CLSTN2: variants seen among roughly 807,000 people sequenced by gnomAD.
The protein encoded by CLSTN2 is calsyntenin 2.
A neutral mutation model predicts 101.2 loss-of-function variants in CLSTN2; 48 were observed. That is an observed-to-expected ratio of 0.47 (90% CI 0.38 to 0.60). CLSTN2 has a LOEUF of 0.60. CLSTN2 is among the 20% of genes least tolerant of loss of function. The pLI is 0.00. For missense variants in CLSTN2, 1,160 were observed against 1,238.2 expected (o/e 0.94, Z 0.95); for synonymous variants, 481 against 463.6 (o/e 1.04, Z -0.48).
At chr3:140,263,968 G>A (rs2086674567) in intron 2 of CLSTN2, among the ~76,000 whole-genome samples, 1 of 152,026 alleles carries the variant, frequency 6.6e-6, no homozygotes, top group Non-Finnish European at 1.5e-5. Flanking sequence ...TTGTGAATTA[G>A]CCTACTTACT....
At chr3:140,400,745 C>G (rs571188489) in intron 2 of CLSTN2, among the ~76,000 whole-genome samples, 3 of 152,238 alleles carry the variant, frequency 2.0e-5, no homozygotes, top group South Asian at 4.2e-4. Context: ...AAACCAAGCT[C>G]AGGATGCTTC....
chr3:140,003,761 T>A (rs546073292), intron 1 of CLSTN2, among the ~76,000 whole-genome samples: 1 of 152,326 alleles, frequency 6.6e-6, no homozygotes, highest in African/African-American at 2.4e-5. Flanking sequence ...TATCAAATAC[T>A]TTTTTAGCAT....
At chr3:140,388,714 T>A (rs2088080129) in intron 2 of CLSTN2, among the ~76,000 whole-genome samples, 1 of 152,226 alleles carries the variant, frequency 6.6e-6, no homozygotes, top group Non-Finnish European at 1.5e-5. Context: ...TGCACAAAGG[T>A]TGCTGTAAAG....
chr3:140,466,757 G>A, intron 8 of CLSTN2, 26 bp downstream of exon 8: 1 of 1,613,370 alleles, frequency 6.2e-7, no homozygotes, highest in Non-Finnish European at 8.5e-7. Flanking sequence ...CACACCTGCT[G>A]CTACTCATGC....
chr3:140,459,838 G>T, intron 7 of CLSTN2, 69 bp downstream of exon 7: 1 of 1,550,510 alleles, frequency 6.4e-7, no homozygotes, highest in East Asian at 2.3e-5. Context: ...CAGGTGGCTG[G>T]ACATGGACAC....
intron 1 of CLSTN2, among the ~76,000 whole-genome samples, chr3:140,033,431 TTTGTTTTTCTTTTCCA>T (rs1375956835): frequency 1.3e-5 from 2 of 152,264 alleles, no homozygotes; most frequent in Non-Finnish European, 2.9e-5. Context: ...GGCATGATTC[TTTGTTTTTCTTTTCCA>T]TTCCAATGGT....
At chr3:140,032,196 C>T (rs567120082) in intron 1 of CLSTN2, among the ~76,000 whole-genome samples, 120 of 150,870 alleles carry the variant, frequency 8.0e-4, no homozygotes, top group African/African-American at 2.8e-3. Context: ...CATTTACTCA[C>T]AATGAAAAAT....
At chr3:140,262,473 T>G (rs1326067339) in intron 2 of CLSTN2, among the ~76,000 whole-genome samples, 1 of 118,478 alleles carries the variant, frequency 8.4e-6, no homozygotes, top group African/African-American at 3.2e-5. Flanking sequence ...AAATTATTTT[T>G]TATGATGAAT....
At chr3:140,437,065 T>TA (rs2088695748) in intron 5 of CLSTN2, among the ~76,000 whole-genome samples, 1 of 150,904 alleles carries the variant, frequency 6.6e-6, no homozygotes, top group Non-Finnish European at 1.5e-5. Context: ...TTTTTTTTTT[T>TA]TGAGACTGAG....
rs1559866634 is a variant in CLSTN2 at position 140,427,187 on chromosome 3, ATAT to A, written c.787+5914_787+5916del. 3.3e-4 allele frequency among the ~76,000 whole-genome samples: 21 copies of A among 63,756 alleles called. 1 individual carries two copies. The highest frequency in any genetic ancestry group is 1.2e-3 in the African/African-American group (10 of 8,214). The allele number at this position is 63,756 out of a possible 152,430, so 41.8% of individuals were successfully genotyped here. On this transcript the variant is annotated intron_variant, in intron 5 of 16. Coordinates refer to ENST00000458420, the MANE Select transcript of CLSTN2 (RefSeq NM_022131.3). ...TGAGACTGTCTCAAAAAAAAAAAAT[ATAT>A]ATATATATATATATGTGTATATATA... is the stretch of plus-strand genomic sequence containing the variant.
At chr3:140,120,295 C>T (rs1290129452) in intron 1 of CLSTN2, among the ~76,000 whole-genome samples, 4 of 152,064 alleles carry the variant, frequency 2.6e-5, no homozygotes, top group Admixed American at 6.5e-5. Flanking sequence ...CTCAGGGAAA[C>T]ATGTTTACTG....
At chr3:140,164,098 A>G (rs2010095431) in intron 1 of CLSTN2, among the ~76,000 whole-genome samples, 1 of 152,160 alleles carries the variant, frequency 6.6e-6, no homozygotes, top group African/African-American at 2.4e-5. Flanking sequence ...TATTTTGTGT[A>G]AAAAATGAGC....
At chr3:140,083,708 C>T (rs1233673521) in intron 1 of CLSTN2, among the ~76,000 whole-genome samples, 1 of 152,174 alleles carries the variant, frequency 6.6e-6, no homozygotes, top group Non-Finnish European at 1.5e-5. Context: ...ATTTTCCATC[C>T]ACTGGCTTTT....
chr3:140,119,003 C>A (rs1576433570), intron 1 of CLSTN2, among the ~76,000 whole-genome samples: 1 of 152,082 alleles, frequency 6.6e-6, no homozygotes, highest in African/African-American at 2.4e-5. Context: ...CATAGCAGAG[C>A]AGGCAGGTGG....
chr3:140,038,786 T>C (rs1264329679), intron 1 of CLSTN2, among the ~76,000 whole-genome samples: 3 of 152,226 alleles, frequency 2.0e-5, no homozygotes, highest in African/African-American at 7.2e-5. Context: ...TCTTTGCTAC[T>C]AAGATTTTTC....
At chr3:140,212,547 T>G (rs1201610108) in intron 2 of CLSTN2, among the ~76,000 whole-genome samples, 1 of 152,204 alleles carries the variant, frequency 6.6e-6, no homozygotes, top group Non-Finnish European at 1.5e-5. Flanking sequence ...CTGAGATTGC[T>G]TAGTCTCATT....
rs12494862 is a variant in CLSTN2, at chr3:140,385,455, T to A, written c.233-18174T>A. ...GCGATCTCGACTCGCTGTAAACTCC[T>A]CCTCCCGGGTTCACGCCATTCTCCT... On this transcript the variant is annotated intron_variant, in intron 2 of 16. Transcript: ENST00000458420. Among the ~76,000 whole-genome samples the A allele has an allele frequency of 2.1e-5, 3 of 145,820 alleles. No homozygotes were observed. In the Admixed American group the frequency reaches 2.1e-4, roughly 10 times the overall value.
intron 1 of CLSTN2, among the ~76,000 whole-genome samples, chr3:140,038,004 C>T (rs1355865938): frequency 6.6e-6 from 1 of 152,110 alleles, no homozygotes; most frequent in Non-Finnish European, 1.5e-5. Flanking sequence ...CTGCAATGAA[C>T]ATACACGTGC....
At position 140,568,157 on chromosome 3, in the gene CLSTN2, G is replaced by A. The variant is rs1985360095; in HGVS notation, c.*1904G>A. ...ACTCCTGGTGCAGGATTCTACTTAT[G>A]TTCATAGGTATGCACCTAACAGACA... On this transcript the variant is annotated 3_prime_UTR_variant, in exon 17 of 17. Coordinates refer to ENST00000458420, the MANE Select transcript of CLSTN2 (RefSeq NM_022131.3). 6.6e-6 allele frequency: 1 copy of A among 152,230 alleles called. No individual in the cohort carries two copies. Among genetic ancestry groups the A allele is most frequent in the Non-Finnish European group, 1.5e-5 (1 of 68,052 alleles). The allele number at this position is 152,230 out of a possible 1,614,324, so 9.4% of individuals were successfully genotyped here.
Sources: allele counts gnomAD v4.1 joint callset (sites outside exome capture counted in the v4.1 genomes callset), GRCh38; gene constraint gnomAD v4.1.1; transcripts MANE v1.5; gene names NCBI Gene and HGNC (gene_info 2026-07-23, HGNC 2026-07-21).